ABCA10: variants seen among roughly 807,000 people sequenced by gnomAD.
ABCA10 encodes the protein ATP binding cassette subfamily A member 10, also known as ATP-binding cassette sub-family A member 10.
In ABCA10, 169 loss-of-function variants were observed where a neutral mutation model predicts 187.5. The ratio of observed to expected loss-of-function variants is 0.90; its 90% confidence interval spans 0.80 to 1.02. ABCA10 has a LOEUF of 1.02. Among genes scored for constraint, ABCA10 ranks in the 50% least tolerant of loss-of-function variants. The pLI is 0.00. For missense variants in ABCA10, 1,727 were observed against 1,812.4 expected, an observed-to-expected ratio of 0.95 and a Z score of 0.86; for synonymous variants, 574 against 601.8, an observed-to-expected ratio of 0.95 and a Z score of 0.68.
intron 4 of ABCA10, 36 bp downstream of exon 4, chr17:69,222,497 T>TA: frequency 4.1e-6 from 6 of 1,468,948 alleles, no homozygotes; most frequent in Non-Finnish European, 5.4e-6. Flanking sequence ...CCATGAAGTA[T>TA]CAAAAAAAAA....
intron 8 of ABCA10, chr17:69,215,585 A>C (rs1170436926): frequency 7.9e-6 from 3 of 381,898 alleles, no homozygotes; most frequent in Non-Finnish European, 1.4e-5. Context: ...GTGGTCAGAT[A>C]ATGGGCAATT....
At chr17:69,225,938 A>C (rs1297228027) in intron 2 of ABCA10, among the ~76,000 whole-genome samples, 1 of 152,094 alleles carries the variant, frequency 6.6e-6, no homozygotes, top group Non-Finnish European at 1.5e-5. Flanking sequence ...GGATGACTTA[A>C]ATGACAGCAT....
Position 69,201,593 on chromosome 17 carries a change from T to C in ABCA10, c.1082A>G (p.His361Arg). 1 of 1,613,042 alleles carries C rather than the reference T, an allele frequency of 6.2e-7. No individual in the cohort carries two copies. Among genetic ancestry groups the C allele is most frequent in the South Asian group, 1.1e-5 (1 of 90,686 alleles). Residue 361 changes from histidine to arginine, a missense_variant, in exon 10 of 39, where the codon CAT becomes CGT. His to Arg is a conservative substitution (Grantham distance 29). Transcript: ENST00000690296. ...ATTTATTTCATTCTCAAAGATTTCA[T>C]GATGAGTATTTTGATGTTTGGACCA... is the stretch of plus-strand genomic sequence containing the variant. Reference protein sequence around the residue: ...SFWSKHQNTHHEIFENEINPE... With the variant: ...SFWSKHQNTHREIFENEINPE...
At chr17:69,213,498 A>T (rs1022230323) in intron 9 of ABCA10, among the ~76,000 whole-genome samples, 3 of 152,152 alleles carry the variant, frequency 2.0e-5, no homozygotes, top group Non-Finnish European at 4.4e-5. Context: ...ATAGCCAGGA[A>T]AGTGGGGGAA....
Position 69,194,461 on chromosome 17 carries a change from A to G in ABCA10, c.1269T>C (p.Thr423=). The part of the protein sequence containing the change: ...IFFDIYEGQI[T]AILGHNGAGK... The stretch of plus-strand genomic sequence containing the variant: ...CAGCTCCATTATGCCCAAGTATTGC[A>G]GTGATCTGTCCTTCATATATGTCAA... The change falls in exon 12 of 39, where the codon ACT becomes ACC. Residue 423 remains threonine, a synonymous_variant. Coordinates refer to ENST00000690296, the MANE Select transcript of ABCA10 (RefSeq NM_001377321.1). 1.2e-6 allele frequency: 2 copies of G among 1,613,110 alleles called. No individual in the cohort carries two copies. The highest frequency in any genetic ancestry group is 8.5e-7 in the Non-Finnish European group (1 of 1,179,382).
At chr17:69,225,166 C>A (rs182560893) in intron 3 of ABCA10, among the ~76,000 whole-genome samples, 159 bp downstream of exon 3, 33 of 152,122 alleles carry the variant, frequency 2.2e-4, no homozygotes, top group African/African-American at 7.9e-4. Context: ...GCCCACCTAC[C>A]CTTAGCTTCA....
Position 69,201,640 on chromosome 17 carries a change from T to C in ABCA10, c.1035A>G (p.Leu345=). The change falls in exon 10 of 39, where the codon TTA becomes TTG. Residue 345 remains leucine, a synonymous_variant. Transcript: ENST00000690296. The stretch of plus-strand genomic sequence containing the variant: ...ACCAAAATGAGGACTTAAGGAAAAA[T>C]AATGGAGAATCCCCATGGCCATCTT... ...PDKDGHGDSP[L]FFLKSSFWSK... is the part of the protein sequence containing the mutation. The C allele has an allele frequency of 1.9e-6, 3 of 1,608,178 alleles. No individual in the cohort carries two copies. The highest frequency in any genetic ancestry group is 2.5e-6 in the Non-Finnish European group (3 of 1,178,214).
intron 17 of ABCA10, among the ~76,000 whole-genome samples, 169 bp downstream of exon 17, chr17:69,191,007 T>C (rs1825817700): frequency 6.6e-6 from 1 of 152,176 alleles, no homozygotes; most frequent in Non-Finnish European, 1.5e-5. Context: ...GTTGCTATAA[T>C]ACGTCCCTGG....
Position 69,200,000 on chromosome 17 carries a change from A to T in ABCA10, c.1175+1500T>A, listed in dbSNP as rs188488763. Among the ~76,000 whole-genome samples the T allele has an allele frequency of 2.8e-3, 423 of 152,342 alleles. 3 individuals are homozygous for T. The highest frequency in any genetic ancestry group is 0.014 in the Middle Eastern group (4 of 294). On this transcript the variant is annotated intron_variant, in intron 10 of 38. Transcript: ENST00000690296. ...TTGAGAAATTTCCTCAACTCCAGGG[A>T]ATAGAGAACTTTCACCTTGATCTTT...
intron 9 of ABCA10, among the ~76,000 whole-genome samples, chr17:69,206,928 T>C (rs1167400997): frequency 2.6e-5 from 4 of 152,126 alleles, no homozygotes; most frequent in Admixed American, 6.5e-5. Context: ...TGGGATTACA[T>C]CAAACTAAAA....
intron 10 of ABCA10, 64 bp downstream of exon 10, chr17:69,201,436 C>T (rs1411188334): frequency 3.0e-6 from 4 of 1,325,576 alleles, no homozygotes; most frequent in Non-Finnish European, 4.0e-6. Flanking sequence ...CAACATTTGA[C>T]CTGCAGCTTC....
chr17:69,160,715 G>A (rs2074210814), intron 27 of ABCA10, among the ~76,000 whole-genome samples: 1 of 152,026 alleles, frequency 6.6e-6, no homozygotes, highest in Non-Finnish European at 1.5e-5. Flanking sequence ...AAACCACAAT[G>A]GCATACCACC....
intron 20 of ABCA10, among the ~76,000 whole-genome samples, chr17:69,185,002 C>A (rs28421714): frequency 0.083 from 12,498 of 151,370 alleles, 1,778 homozygotes; most frequent in African/African-American, 0.29. Context: ...TTTGTAGCAA[C>A]CTGGATGGAG....
Position 69,193,492 on chromosome 17 carries a change from C to T in ABCA10, c.1641+1G>A, listed in dbSNP as rs1568063298. The T allele has an allele frequency of 1.9e-6, 3 of 1,609,202 alleles. No homozygotes were observed. Among genetic ancestry groups the T allele is most frequent in the East Asian group, 4.5e-5 (2 of 44,808 alleles). On this transcript the variant is annotated splice_donor_variant, in intron 14 of 38. Transcript: ENST00000690296. LOFTEE classifies it high-confidence loss of function. ...TTGTAAAAATATATTTTTTCTCTCA[C>T]CTGAGGATCTCCTAAGATGGCAATC...
At chr17:69,210,829 T>C (rs1039008985) in intron 9 of ABCA10, among the ~76,000 whole-genome samples, 2 of 122,466 alleles carry the variant, frequency 1.6e-5, no homozygotes, top group African/African-American at 7.7e-5. Context: ...TATATATATA[T>C]GCCACATATT....
intron 11 of ABCA10, among the ~76,000 whole-genome samples, chr17:69,195,832 C>A (rs1185058435): frequency 6.6e-6 from 1 of 151,952 alleles, no homozygotes; most frequent in South Asian, 2.1e-4. Flanking sequence ...ATCCATTTAA[C>A]CCTGAGTGGA....
At chr17:69,221,998 C>T in intron 4 of ABCA10, 103 bp from the exon 5 acceptor site, 2 of 837,144 alleles carry the variant, frequency 2.4e-6, no homozygotes, top group East Asian at 2.7e-5. Context: ...TAAATGTTAG[C>T]TCAAAGCCTA....
chr17:69,238,592 T>C (rs2074886288), intron 1 of ABCA10, among the ~76,000 whole-genome samples: 2 of 152,172 alleles, frequency 1.3e-5, no homozygotes, highest in Non-Finnish European at 2.9e-5. Flanking sequence ...ATACTTTACT[T>C]TGAGTCTTTG....
chr17:69,185,745 C>T (rs1471589589), intron 19 of ABCA10, 102 bp from the exon 20 acceptor site: 2 of 863,454 alleles, frequency 2.3e-6, no homozygotes, highest in Non-Finnish European at 3.5e-6. Flanking sequence ...AGTCCACATG[C>T]ATATGTGGTG....
Sources: allele counts gnomAD v4.1 joint callset (sites outside exome capture counted in the v4.1 genomes callset), GRCh38; gene constraint gnomAD v4.1.1; transcripts MANE v1.5; gene names NCBI Gene and HGNC (gene_info 2026-07-23, HGNC 2026-07-21).